The following THNSL2 variants were observed in gnomAD, a reference collection of about 807,000 sequenced individuals.
THNSL2 encodes threonine synthase like 2.
Under a neutral mutation model 40.0 loss-of-function variants are expected in THNSL2, and 34 were observed. That is an observed-to-expected ratio of 0.85 (90% CI 0.65 to 1.13). THNSL2 has a LOEUF of 1.13. Among genes scored for constraint, THNSL2 ranks in the 50% most tolerant of loss-of-function variants. The probability of loss-of-function intolerance (pLI) is 0.00; values close to 1 mark genes in which losing one functional copy is unlikely to be tolerated. For missense variants in THNSL2, 537 were observed against 608.8 expected, an observed-to-expected ratio of 0.88 and a Z score of 1.24; for synonymous variants, 241 against 247.5, an observed-to-expected ratio of 0.97 and a Z score of 0.25.
intron 5 of THNSL2, 109 bp downstream of exon 5, chr2:88,179,122 A>ATCAC: frequency 8.8e-7 from 1 of 1,130,792 alleles, no homozygotes; most frequent in Non-Finnish European, 1.3e-6. Flanking sequence ...GTGGAGTCCC[A>ATCAC]GTTCTGAAGG....
At chr2:88,175,747 G>A (rs1676857334) in intron 4 of THNSL2, 1 of 199,102 alleles carries the variant, frequency 5.0e-6, no homozygotes, top group Non-Finnish European at 1.0e-5. Flanking sequence ...AAGTGATTTG[G>A]GTTTTTTTCC....
At position 88,182,851 on chromosome 2, in the gene THNSL2, G is replaced by T. The variant is rs767317899; in HGVS notation, c.951+4G>T. 2.5e-6 allele frequency: 4 copies of T among 1,614,052 alleles called. No homozygotes were observed. The Admixed American group carries it at 6.7e-5, about 27-fold the overall frequency. ...GGCATCAGCTATGGACATTCAGGTA[G>T]GCCTGGGGGAGGTGTGCAGATCTGG... On this transcript the variant is annotated splice_donor_region_variant and intron_variant, in intron 6 of 8. Coordinates refer to ENST00000674334, the MANE Select transcript of THNSL2 (RefSeq NM_018271.5).
Position 88,179,000 on chromosome 2 carries a change from C to T in THNSL2, c.789C>T (p.Ala263=), listed in dbSNP as rs753416592. ...AGGTGGTTGTGCCAACAGGGGCTGC[C>T]GGTAACCTTGCAGGTAAGGAATCCC... ...LVEVVVPTGA[A]GNLAAGYIAQ... Residue 263 remains alanine (A), a synonymous_variant, in exon 5 of 9, where the codon GCC becomes GCT. Transcript: ENST00000674334. The T allele has an allele frequency of 1.1e-5, 17 of 1,614,030 alleles. No individual in the cohort carries two copies. Among genetic ancestry groups the T allele is most frequent in the African/African-American group, 6.7e-5 (5 of 74,918 alleles).
intron 4 of THNSL2, among the ~76,000 whole-genome samples, chr2:88,177,599 A>T (rs1171788793): frequency 6.6e-6 from 1 of 152,102 alleles, no homozygotes; most frequent in Non-Finnish European, 1.5e-5. Flanking sequence ...CAGTTGTTTG[A>T]TTCAGTGACT....
intron 7 of THNSL2, among the ~76,000 whole-genome samples, chr2:88,184,557 G>T (rs997501582): frequency 6.6e-6 from 1 of 152,026 alleles, no homozygotes; most frequent in African/African-American, 2.4e-5. Flanking sequence ...TTGAGGTCAG[G>T]AGTTTGAGAC....
Position 88,186,216 on chromosome 2 carries a change from G to C in THNSL2, c.*93G>C. On this transcript the variant is annotated 3_prime_UTR_variant, in exon 9 of 9. Coordinates refer to ENST00000674334, the MANE Select transcript of THNSL2 (RefSeq NM_018271.5). Reference sequence around the variant, plus strand: ...CACCCTCCCCATTAAGCGTAGGTTAGGAGGTTTCCGGGAGGCTGCTCAGCT... The same window carrying C: ...CACCCTCCCCATTAAGCGTAGGTTACGAGGTTTCCGGGAGGCTGCTCAGCT... 7.8e-7 allele frequency: 1 copy of C among 1,283,364 alleles called. No individual in the cohort carries two copies. The highest frequency in any genetic ancestry group is 1.1e-6 in the Non-Finnish European group (1 of 916,152). The allele number at this position is 1,283,364 out of a possible 1,614,324, so 79.5% of individuals were successfully genotyped here. A position where few individuals can be genotyped will look rare whatever the true frequency, so the allele number is the denominator to read the frequency against.
chr2:88,184,849 T>C (rs2104283956), intron 7 of THNSL2, among the ~76,000 whole-genome samples: 1 of 152,342 alleles, frequency 6.6e-6, no homozygotes. Flanking sequence ...TGGTGTATTG[T>C]AAGCATGCAA....
chr2:88,178,846 T>A lies in THNSL2; in HGVS notation c.635T>A (p.Val212Asp). The A allele has an allele frequency of 6.2e-7, 1 of 1,614,206 alleles. No individual in the cohort carries two copies. The highest frequency in any genetic ancestry group is 8.5e-7 in the Non-Finnish European group (1 of 1,180,036). The change falls in exon 5 of 9, where the codon GTC becomes GAC. Residue 212 changes from valine (V) to aspartate (D), a missense_variant. Val to Asp is a radical substitution (Grantham distance 152, BLOSUM62 -3). Coordinates refer to ENST00000674334, the MANE Select transcript of THNSL2 (RefSeq NM_018271.5). The part of the protein sequence containing the change: ...IKTVFADVAF[V>D]KKHNLMSLNS... ...ACTGTGTTTGCCGATGTGGCTTTTG[T>A]CAAGAAGCACAATCTGATGAGCCTG...
intron 3 of THNSL2, 62 bp downstream of exon 3, chr2:88,174,895 T>C (rs1676748027): frequency 6.4e-7 from 1 of 1,561,794 alleles, no homozygotes; most frequent in Non-Finnish European, 8.8e-7. Flanking sequence ...TGTCCACCTA[T>C]AGGATGCTGT....
intron 7 of THNSL2, among the ~76,000 whole-genome samples, chr2:88,184,429 G>A (rs1337551158): frequency 6.6e-6 from 1 of 152,126 alleles, no homozygotes; most frequent in Non-Finnish European, 1.5e-5. Flanking sequence ...TACATTCATT[G>A]TCTGCTGGGA....
Position 88,174,542 on chromosome 2 carries a change from A to G in THNSL2, c.224-97A>G, listed in dbSNP as rs553959222. 2.0e-5 allele frequency: 27 copies of G among 1,334,992 alleles called. No individual in the cohort carries two copies. The East Asian group carries it at 5.4e-4, about 27-fold the overall frequency. 82.7% of individuals were successfully genotyped at this position (1,334,992 alleles called of 1,614,324 possible). On this transcript the variant is annotated intron_variant, in intron 2 of 8. Transcript: ENST00000674334. ...TTAAGATGAAGATTTTTGGCCTTTT[A>G]GTAGCAGGAGTTGGAAACTTTATAT...
At chr2:88,185,805 T>A in intron 8 of THNSL2, 93 bp from the exon 9 acceptor site, 1 of 1,538,232 alleles carries the variant, frequency 6.5e-7, no homozygotes. Flanking sequence ...ATCCCTAAAC[T>A]TCCTCTGTTT....
rs751345765 is a variant in THNSL2 at position 88,186,044 on chromosome 2, A to G, written c.1376A>G (p.Asn459Ser). The change falls in exon 9 of 9, where the codon AAC (asparagine) becomes AGC (serine). Residue 459 changes from asparagine to serine, a missense_variant. Coordinates refer to ENST00000674334, the MANE Select transcript of THNSL2 (RefSeq NM_018271.5). ...TGCACCCTGATGCGGAGAGGTGACA[A>G]CTGGATGCTGATGCTTCGGGACACC... ...TRCTLMRRGD[N>S]WMLMLRDTIE... 2 of 1,597,500 alleles carry G rather than the reference A, an allele frequency of 1.3e-6. No homozygotes were observed. The highest frequency in any genetic ancestry group is 2.3e-5 in the East Asian group (1 of 44,312).
chr2:88,174,559 A>C, intron 2 of THNSL2, 80 bp from the exon 3 acceptor site: 1 of 1,464,316 alleles, frequency 6.8e-7, no homozygotes, highest in Non-Finnish European at 9.2e-7. Flanking sequence ...GGAGTTGGAA[A>C]CTTTATATTC....
chr2:88,186,432 G>A lies in THNSL2; in HGVS notation c.*309G>A. 6.2e-6 allele frequency: 2 copies of A among 325,012 alleles called. No individual in the cohort carries two copies. Among genetic ancestry groups the A allele is most frequent in the Non-Finnish European group, 1.1e-5 (2 of 174,802 alleles). 20.1% of individuals were successfully genotyped at this position (325,012 alleles called of 1,614,324 possible). A position where few individuals can be genotyped will look rare whatever the true frequency, so the allele number is the denominator to read the frequency against. On this transcript the variant is annotated 3_prime_UTR_variant, in exon 9 of 9. Coordinates refer to ENST00000674334, the MANE Select transcript of THNSL2 (RefSeq NM_018271.5). ...GAGGCTTGGGCACAGGACTGACCAT[G>A]GCTCCAGGGGTTTAGGACCCCAGAC...
At chr2:88,183,120 C>T in intron 7 of THNSL2, 47 bp downstream of exon 7, 1 of 1,588,070 alleles carries the variant, frequency 6.3e-7, no homozygotes, top group Non-Finnish European at 8.6e-7. Flanking sequence ...GGTACAGCCA[C>T]ATAGCAGACT....
chr2:88,177,023 A>C (rs1359999224), intron 4 of THNSL2: 1 of 152,178 alleles, frequency 6.6e-6, no homozygotes, highest in African/African-American at 2.4e-5. Context: ...TTGTACACAG[A>C]CCTAAGGGTG....
intron 5 of THNSL2, among the ~76,000 whole-genome samples, chr2:88,180,316 TGTTCTCATGAG>T (rs1203162319): frequency 3.3e-5 from 5 of 152,234 alleles, no homozygotes; most frequent in African/African-American, 9.6e-5. Context: ...GATATCATGA[TGTTCTCATGAG>T]GATCAGGTGA....
intron 1 of THNSL2, chr2:88,171,190 G>C: frequency 4.6e-6 from 2 of 430,638 alleles, no homozygotes; most frequent in Non-Finnish European, 9.4e-6. Flanking sequence ...TCCGCCTCTG[G>C]CTTACATTGA....
Sources: gnomAD v4.1 joint callset for allele counts (sites outside exome capture counted in the v4.1 genomes callset) on GRCh38, gnomAD v4.1.1 for gene constraint, MANE v1.5 for transcripts, NCBI Gene and HGNC (gene_info 2026-07-23, HGNC 2026-07-21) for gene names.